Variants in TRIM5 observed in about 807,000 individuals in gnomAD.
The protein encoded by TRIM5 is tripartite motif-containing protein 5.
A neutral mutation model predicts 35.6 loss-of-function variants in TRIM5; 31 were observed. That is an observed-to-expected ratio of 0.87 (90% CI 0.65 to 1.18). The LOEUF is 1.18. Among genes scored for constraint, TRIM5 ranks in the 50% most tolerant of loss-of-function variants. TRIM5 has a pLI of 0.00. For synonymous variants in TRIM5, 243 were observed against 215.6 expected, an observed-to-expected ratio of 1.13 and a Z score of -1.11; for missense variants, 609 against 591.6, an observed-to-expected ratio of 1.03 and a Z score of -0.31.
intron 5 of TRIM5, chr11:5,666,370 A>C (rs976476488): frequency 5.3e-5 from 17 of 320,156 alleles, no homozygotes; most frequent in East Asian, 1.7e-4. Flanking sequence ...TCTTAAACTC[A>C]TAGGACATAA....
chr11:5,628,993 A>C, the TRIM5 span, among the ~76,000 whole-genome samples: 1 of 152,040 alleles, frequency 6.6e-6, no homozygotes, highest in South Asian at 2.1e-4. Context: ...AACACAGGTC[A>C]AGGCCGGGTG....
the TRIM5 span, among the ~76,000 whole-genome samples, chr11:5,650,674 G>GT: frequency 6.6e-6 from 1 of 152,126 alleles, no homozygotes; most frequent in Non-Finnish European, 1.5e-5. Context: ...TAACACTTCC[G>GT]TTTTTTGTTG....
the TRIM5 span, among the ~76,000 whole-genome samples, chr11:5,614,917 T>C: frequency 6.6e-6 from 1 of 152,232 alleles, no homozygotes; most frequent in African/African-American, 2.4e-5. Context: ...CTTTTTTGTA[T>C]ATATAGCACT....
chr11:5,642,577 G>T, the TRIM5 span: 1 of 1,549,668 alleles, frequency 6.5e-7, no homozygotes, highest in South Asian at 1.2e-5. Flanking sequence ...GTCTAGGTGG[G>T]ATAACTTAAA....
At chr11:5,616,178 C>T in the TRIM5 span, among the ~76,000 whole-genome samples, 9 of 129,044 alleles carry the variant, frequency 7.0e-5, no homozygotes, top group Non-Finnish European at 1.2e-4. Flanking sequence ...GTCTCGATCT[C>T]CTGACTTCGT....
At chr11:5,656,353 C>A in the TRIM5 span, among the ~76,000 whole-genome samples, 1 of 102,602 alleles carries the variant, frequency 9.7e-6, no homozygotes, top group African/African-American at 2.9e-5. Context: ...TATGAACAGA[C>A]ACTTTTTTTT....
the TRIM5 span, among the ~76,000 whole-genome samples, chr11:5,657,292 C>G: frequency 6.6e-6 from 1 of 151,618 alleles, no homozygotes; most frequent in Non-Finnish European, 1.5e-5. Flanking sequence ...AGGGGAACAT[C>G]ACACACCAGG....
rs756459350 is a variant in TRIM5 at position 5,679,757 on chromosome 11, T to G, written c.417+4A>C. ...CCTCTCTTCCTTCCATCCCAGTCTC[T>G]TACTTGGTACTCCCGGGCAACCTCC... On this transcript the variant is annotated splice_donor_region_variant and intron_variant, in intron 2 of 7. Transcript: ENST00000380034. The G allele has an allele frequency of 1.3e-6, 2 of 1,576,068 alleles. No individual in the cohort carries two copies. The highest frequency in any genetic ancestry group is 3.5e-5 in the Admixed American group (2 of 56,388).
chr11:5,614,540 TG>T, the TRIM5 span, among the ~76,000 whole-genome samples: 1 of 152,240 alleles, frequency 6.6e-6, no homozygotes, highest in Non-Finnish European at 1.5e-5. Context: ...ACTCAGATTT[TG>T]GTGGAAACTG....
the TRIM5 span, among the ~76,000 whole-genome samples, chr11:5,622,313 C>A: frequency 6.6e-6 from 1 of 152,018 alleles, no homozygotes; most frequent in African/African-American, 2.4e-5. Context: ...GGCGTTGTGG[C>A]AGGTGCCTGT....
chr11:5,626,315 A>T, the TRIM5 span, among the ~76,000 whole-genome samples: 2 of 152,244 alleles, frequency 1.3e-5, no homozygotes, highest in Non-Finnish European at 2.9e-5. Context: ...GACCATATCG[A>T]TGAATGTTAG....
downstream of TRIM5, among the ~76,000 whole-genome samples, chr11:5,660,952 G>C (rs1850793167): frequency 6.8e-6 from 1 of 147,522 alleles, no homozygotes; most frequent in Admixed American, 6.9e-5. Context: ...TGAGGCAGGA[G>C]AATGGCGTGA....
downstream of TRIM5, among the ~76,000 whole-genome samples, chr11:5,660,562 G>T (rs533529631): frequency 7.7e-4 from 117 of 152,220 alleles, 1 homozygote; most frequent in East Asian, 3.5e-3. Context: ...AATGGAAATA[G>T]AACCTCAGTT....
chr11:5,642,984 T>C, the TRIM5 span: 2 of 1,380,326 alleles, frequency 1.4e-6, no homozygotes, highest in Non-Finnish European at 1.9e-6. Flanking sequence ...TCCAGTGTTT[T>C]ACCCCTCCAA....
chr11:5,683,109 A>C (rs141492777), intron 1 of TRIM5, among the ~76,000 whole-genome samples: 1 of 152,168 alleles, frequency 6.6e-6, no homozygotes, highest in Non-Finnish European at 1.5e-5. Flanking sequence ...TGCTGTGCTC[A>C]ATTTCTCGCC....
the TRIM5 span, among the ~76,000 whole-genome samples, chr11:5,602,315 C>T: frequency 2.0e-5 from 3 of 152,070 alleles, no homozygotes; most frequent in Non-Finnish European, 4.4e-5. Flanking sequence ...TAGTGGCAGG[C>T]ACCTGTAATC....
At chr11:5,595,894 G>T in the TRIM5 span, among the ~76,000 whole-genome samples, 20 of 152,026 alleles carry the variant, frequency 1.3e-4, no homozygotes, top group East Asian at 1.2e-3. Context: ...TGTTGGCCGG[G>T]ATGGTCTCAA....
the TRIM5 span, among the ~76,000 whole-genome samples, chr11:5,595,933 G>C: frequency 1.9e-4 from 29 of 151,990 alleles, no homozygotes; most frequent in Admixed American, 1.6e-3. Flanking sequence ...CGCCCGCCTC[G>C]GCCTCCCAAA....
the TRIM5 span, among the ~76,000 whole-genome samples, chr11:5,657,435 T>G: frequency 6.7e-6 from 1 of 148,152 alleles, no homozygotes; most frequent in African/African-American, 2.5e-5. Flanking sequence ...GTTCTGCACA[T>G]GTATCCCAGA....
Sources: allele counts gnomAD v4.1 joint callset (sites outside exome capture counted in the v4.1 genomes callset), GRCh38; gene constraint gnomAD v4.1.1; transcripts MANE v1.5; gene names NCBI Gene and HGNC (gene_info 2026-07-23, HGNC 2026-07-21).